The following STAC variants were observed in gnomAD, a reference collection of about 807,000 sequenced individuals.
The protein encoded by STAC is SH3 and cysteine-rich domain-containing protein.
STAC carries 43 observed loss-of-function variants against 48.8 expected under a neutral mutation model. The observed-to-expected ratio is 0.88, with a 90% CI of 0.69 to 1.14. The LOEUF (loss-of-function observed/expected upper bound fraction) is 1.14. STAC is among the 50% of genes most tolerant of loss of function. STAC has a pLI of 0.00. For synonymous variants in STAC, 193 were observed against 179.5 expected (o/e 1.07, Z -0.60); for missense variants, 497 against 504.0 (o/e 0.99, Z 0.13).
At chr3:36,399,462 CT>C (rs1699956865) in intron 1 of STAC, among the ~76,000 whole-genome samples, 1 of 152,224 alleles carries the variant, frequency 6.6e-6, no homozygotes, top group African/African-American at 2.4e-5. Context: ...GTGGTTACCC[CT>C]AGCACGACAC....
At chr3:36,507,052 G>A (rs993385829) in intron 8 of STAC, among the ~76,000 whole-genome samples, 1 of 152,104 alleles carries the variant, frequency 6.6e-6, no homozygotes, top group African/African-American at 2.4e-5. Flanking sequence ...TATGATATTG[G>A]GTGTGGGTTT....
At chr3:36,484,333 G>A (rs900657258) in intron 3 of STAC, among the ~76,000 whole-genome samples, 1 of 152,194 alleles carries the variant, frequency 6.6e-6, no homozygotes, top group Non-Finnish European at 1.5e-5. Context: ...TCCAGTAATG[G>A]AGTACAGTCA....
intron 1 of STAC, among the ~76,000 whole-genome samples, chr3:36,405,336 T>C (rs1700070060): frequency 6.6e-6 from 1 of 152,246 alleles, no homozygotes; most frequent in Non-Finnish European, 1.5e-5. Context: ...CCTTGAGCTG[T>C]GATAATCATG....
At chr3:36,409,350 C>A (rs541392956) in intron 1 of STAC, among the ~76,000 whole-genome samples, 1 of 152,274 alleles carries the variant, frequency 6.6e-6, no homozygotes, top group South Asian at 2.1e-4. Flanking sequence ...TTGATTTATG[C>A]TTAACAAGGT....
intron 8 of STAC, among the ~76,000 whole-genome samples, chr3:36,516,275 C>G (rs2125721806): frequency 6.6e-6 from 1 of 152,200 alleles, no homozygotes; most frequent in South Asian, 2.1e-4. Flanking sequence ...AACCACCGTG[C>G]CCAGCCCTCA....
Position 36,488,859 on chromosome 3 carries a change from C to T in STAC, c.687+2610C>T, listed in dbSNP as rs140697041. On this transcript the variant is annotated intron_variant, in intron 5 of 10. Coordinates refer to ENST00000273183, the MANE Select transcript of STAC (RefSeq NM_003149.3). ...CTTAAAGAAAGGCTTTGCGCCACTT[C>T]CCTAATTAAAATCCTCTATTAAGTT... 6.0e-3 allele frequency among the ~76,000 whole-genome samples: 915 copies of T among 152,260 alleles called. 8 individuals are homozygous for T. The highest frequency in any genetic ancestry group is 0.017 in the South Asian group (83 of 4,822).
intron 1 of STAC, among the ~76,000 whole-genome samples, chr3:36,410,453 G>A (rs1339876057): frequency 6.6e-6 from 1 of 152,172 alleles, no homozygotes; most frequent in African/African-American, 2.4e-5. Flanking sequence ...ATTCAACAAA[G>A]AGGCTAATAG....
rs200412102 is a variant in STAC at position 36,443,379 on chromosome 3, C to T, written c.127C>T (p.Arg43Ter). 8.3e-5 allele frequency: 134 copies of T among 1,614,058 alleles called. No homozygotes were observed. Among genetic ancestry groups the T allele is most frequent in the East Asian group, 2.2e-5 (1 of 44,882 alleles). Residue 43 changes from arginine (R) to a stop codon, truncating the protein, a stop_gained, in exon 2 of 11, where the codon CGA becomes TGA. Coordinates refer to ENST00000273183, the MANE Select transcript of STAC (RefSeq NM_003149.3). LOFTEE classifies it high-confidence loss of function. The surrounding 1 kb of genome is among the most constrained non-coding windows in gnomAD (Gnocchi z 4.2). ...SQESKLQKLK[R>*]SLSFKTKSLR... is the part of the protein sequence containing the mutation. ...TGCATTGCAGCTCCAGAAACTAAAA[C>T]GATCACTTTCTTTCAAGACCAAGAG...
chr3:36,433,290 T>G (rs935526220), intron 1 of STAC, among the ~76,000 whole-genome samples: 11 of 152,104 alleles, frequency 7.2e-5, no homozygotes, highest in African/African-American at 2.7e-4. Context: ...TTTATCTAGG[T>G]GCATGGGGTG....
intron 8 of STAC, among the ~76,000 whole-genome samples, chr3:36,511,328 G>A (rs1379366742): frequency 6.6e-6 from 1 of 152,166 alleles, no homozygotes; most frequent in Non-Finnish European, 1.5e-5. Flanking sequence ...ACACATTGGT[G>A]CCTATAATCA....
At chr3:36,452,130 T>C (rs1363332608) in intron 2 of STAC, among the ~76,000 whole-genome samples, 2 of 152,234 alleles carry the variant, frequency 1.3e-5, no homozygotes, top group African/African-American at 4.8e-5. Context: ...TTAAATCAGC[T>C]GCAGTATCAG....
intron 2 of STAC, among the ~76,000 whole-genome samples, chr3:36,478,240 C>T (rs185986093): frequency 6.6e-6 from 1 of 152,302 alleles, no homozygotes; most frequent in Admixed American, 6.5e-5. Context: ...CCCTTACTTC[C>T]ATCTTCCCAA....
chr3:36,501,762 C>G (rs1292323075), intron 6 of STAC, among the ~76,000 whole-genome samples: 1 of 151,974 alleles, frequency 6.6e-6, no homozygotes, highest in Non-Finnish European at 1.5e-5. Flanking sequence ...TTCAGAGAAA[C>G]AAGAAGTAGC....
intron 6 of STAC, among the ~76,000 whole-genome samples, chr3:36,494,263 C>T (rs1280908139): frequency 6.6e-6 from 1 of 150,790 alleles, no homozygotes; most frequent in Non-Finnish European, 1.5e-5. Flanking sequence ...ACATCAATAA[C>T]TACTTAACCT....
At chr3:36,447,628 A>G (rs1696544786) in intron 2 of STAC, among the ~76,000 whole-genome samples, 1 of 149,042 alleles carries the variant, frequency 6.7e-6, no homozygotes, top group Non-Finnish European at 1.5e-5. Context: ...TGAATGGAAA[A>G]ACTATATATA....
chr3:36,480,817 T>G (rs1431919442), intron 2 of STAC, among the ~76,000 whole-genome samples: 1 of 151,670 alleles, frequency 6.6e-6, no homozygotes, highest in East Asian at 1.9e-4. Flanking sequence ...AGTTCATGAG[T>G]GACCATGAAA....
rs546214357 is a variant in STAC at position 36,500,009 on chromosome 3, T to C, written c.767-4384T>C. ...TCTAAACTTGCATATACCTGATACA[T>C]AGCCTGAAAAATGATAGAAACTCAA... On this transcript the variant is annotated intron_variant, in intron 6 of 10. Transcript: ENST00000273183. 2.8e-4 allele frequency among the ~76,000 whole-genome samples: 42 copies of C among 152,250 alleles called. 1 individual carries two copies. The South Asian group carries it at 8.1e-3, about 29-fold the overall frequency.
At chr3:36,534,173 C>T (rs1030743754) in intron 10 of STAC, among the ~76,000 whole-genome samples, 2 of 152,092 alleles carry the variant, frequency 1.3e-5, no homozygotes, top group African/African-American at 4.8e-5. Flanking sequence ...GGATCTATAT[C>T]CTGTGTGATT....
chr3:36,391,074 T>C (rs1699743243), intron 1 of STAC, among the ~76,000 whole-genome samples: 1 of 152,196 alleles, frequency 6.6e-6, no homozygotes, highest in East Asian at 1.9e-4. Flanking sequence ...AATTCCATCA[T>C]GTTCATACCC....
Sources: allele counts gnomAD v4.1 joint callset (sites outside exome capture counted in the v4.1 genomes callset), GRCh38; gene constraint gnomAD v4.1.1; non-coding constraint Gnocchi (gnomAD v3.1); transcripts MANE v1.5; gene names NCBI Gene and HGNC (gene_info 2026-07-23, HGNC 2026-07-21).